The following TNIK variants were observed in gnomAD, a reference collection of about 807,000 sequenced individuals.
The protein encoded by TNIK is TRAF2 and NCK-interacting protein kinase.
A neutral mutation model predicts 191.3 loss-of-function variants in TNIK; 49 were observed. The observed-to-expected ratio is 0.26, with a 90% CI of 0.20 to 0.32. The LOEUF (loss-of-function observed/expected upper bound fraction) is 0.32, where lower values mean the gene tolerates loss of function less well. Among genes scored for constraint, TNIK ranks in the 10% least tolerant of loss-of-function variants. TNIK has a pLI of 1.00. For missense variants in TNIK, 1,155 were observed against 1,702.3 expected (o/e 0.68, Z 5.66); for synonymous variants, 594 against 600.9 (o/e 0.99, Z 0.17).
At chr3:171,198,687 G>A (rs990610346) in intron 4 of TNIK, among the ~76,000 whole-genome samples, 9 of 152,126 alleles carry the variant, frequency 5.9e-5, no homozygotes, top group Non-Finnish European at 1.3e-4. Flanking sequence ...GTGCATAGGT[G>A]TTCATTATAC....
intron 23 of TNIK, among the ~76,000 whole-genome samples, chr3:171,090,675 C>A (rs1168341053): frequency 6.6e-6 from 1 of 152,118 alleles, no homozygotes; most frequent in East Asian, 1.9e-4. Flanking sequence ...ATACAAAATA[C>A]CTCTTCCAGC....
intron 2 of TNIK, among the ~76,000 whole-genome samples, chr3:171,254,015 C>T (rs989280678): frequency 1.3e-4 from 20 of 152,084 alleles, no homozygotes; most frequent in African/African-American, 3.9e-4. Context: ...CCATTTAAAG[C>T]CCTCTTTACA....
chr3:171,139,574 A>G lies in TNIK; in HGVS notation c.1333-18T>C. ...ATGTATTCCTGGAGAGGTAGGCAGCAGAGAATTCAGAGGAACAGAAAGAAA... is the reference window on the plus strand; with the variant it reads ...ATGTATTCCTGGAGAGGTAGGCAGCGGAGAATTCAGAGGAACAGAAAGAAA... On this transcript the variant is annotated intron_variant, in intron 13 of 32. Coordinates refer to ENST00000436636, the MANE Select transcript of TNIK (RefSeq NM_015028.4). 2 of 1,611,642 alleles carry G rather than the reference A, an allele frequency of 1.2e-6. No individual in the cohort carries two copies. The highest frequency in any genetic ancestry group is 1.7e-4 in the Middle Eastern group (1 of 6,056).
At chr3:171,214,832 T>A (rs1361747816) in intron 3 of TNIK, among the ~76,000 whole-genome samples, 1 of 152,208 alleles carries the variant, frequency 6.6e-6, no homozygotes, top group Non-Finnish European at 1.5e-5. Context: ...TATAAGCTAC[T>A]TCTCAGGGCT....
chr3:171,175,437 A>C (rs1735848345), intron 8 of TNIK, 107 bp from the exon 9 acceptor site: 1 of 815,760 alleles, frequency 1.2e-6, no homozygotes, highest in Non-Finnish European at 1.9e-6. Flanking sequence ...CTCAGTTTAC[A>C]CACCACCAGT....
At chr3:171,317,337 G>A (rs537516767) in intron 2 of TNIK, among the ~76,000 whole-genome samples, 21 of 152,214 alleles carry the variant, frequency 1.4e-4, no homozygotes, top group African/African-American at 5.1e-4. Context: ...CTCATCACAG[G>A]CATCTGGATA....
In TNIK at chr3:171,366,127, C is replaced by T. The variant is rs1240386698; in HGVS notation, c.123+3493G>A. 6.6e-6 allele frequency among the ~76,000 whole-genome samples: 1 copy of T among 152,148 alleles called. No individual in the cohort carries two copies. Among genetic ancestry groups the T allele is most frequent in the Non-Finnish European group, 1.5e-5 (1 of 68,032 alleles). ...ATGGCATGCCAATAAACAGCCAAGA[C>T]CTTTAGTAAATGGGTATGTGGCCTT... On this transcript the variant is annotated intron_variant, in intron 2 of 32. Coordinates refer to ENST00000436636, the MANE Select transcript of TNIK (RefSeq NM_015028.4). The surrounding 1 kb of genome is among the most constrained non-coding windows in gnomAD (Gnocchi z 4.1).
intron 30 of TNIK, 39 bp downstream of exon 30, chr3:171,068,809 G>A (rs762239751): frequency 3.1e-5 from 50 of 1,588,116 alleles, no homozygotes; most frequent in Non-Finnish European, 4.2e-5. Flanking sequence ...GCAGGCTGTT[G>A]TACAGAGAGC....
intron 2 of TNIK, among the ~76,000 whole-genome samples, chr3:171,357,044 A>G (rs1353736919): frequency 1.3e-5 from 2 of 152,196 alleles, no homozygotes; most frequent in African/African-American, 2.4e-5. Context: ...CTTAGCCACA[A>G]AAACAGCCTT....
At chr3:171,128,429 A>G (rs538942094) in intron 16 of TNIK, among the ~76,000 whole-genome samples, 1 of 152,346 alleles carries the variant, frequency 6.6e-6, no homozygotes, top group Admixed American at 6.5e-5. Context: ...AACTAAAAGA[A>G]TGCTTGTTCT....
At chr3:171,140,544 C>G in intron 12 of TNIK, 35 bp from the exon 13 acceptor site, 2 of 1,604,932 alleles carry the variant, frequency 1.2e-6, no homozygotes, top group Non-Finnish European at 8.5e-7. Flanking sequence ...ATGAAGGCAA[C>G]AGGCCCCGGT....
intron 1 of TNIK, among the ~76,000 whole-genome samples, chr3:171,380,408 A>T (rs371464185): frequency 3.9e-4 from 59 of 152,328 alleles, no homozygotes; most frequent in East Asian, 7.7e-4. Context: ...AGAAAGAAAG[A>T]TTAGGAAACA....
At chr3:171,449,111 C>T (rs1727869272) in intron 1 of TNIK, among the ~76,000 whole-genome samples, 1 of 152,000 alleles carries the variant, frequency 6.6e-6, no homozygotes. Flanking sequence ...TGTAGCATTC[C>T]ATGGTGTATA....
intron 11 of TNIK, among the ~76,000 whole-genome samples, chr3:171,160,668 T>G (rs1379590457): frequency 6.6e-6 from 1 of 151,914 alleles, no homozygotes; most frequent in Non-Finnish European, 1.5e-5. Context: ...AGAATCAAAG[T>G]CAAGTGGAAT....
At chr3:171,167,697 C>T (rs952209) in intron 9 of TNIK, among the ~76,000 whole-genome samples, 29,027 of 151,992 alleles carry the variant, frequency 0.19, 3,249 homozygotes, top group East Asian at 0.34. Flanking sequence ...AAAACTCAGG[C>T]TAGGATGAGA....
At chr3:171,423,916 G>C (rs1437139450) in intron 1 of TNIK, among the ~76,000 whole-genome samples, 2 of 152,120 alleles carry the variant, frequency 1.3e-5, no homozygotes, top group Non-Finnish European at 2.9e-5. Flanking sequence ...TCAGGACATA[G>C]GCATGGACAA....
intron 9 of TNIK, among the ~76,000 whole-genome samples, chr3:171,173,897 C>G (rs551619238): frequency 6.6e-6 from 1 of 152,056 alleles, no homozygotes; most frequent in South Asian, 2.1e-4. Flanking sequence ...TCCCTCTCCC[C>G]GGGAGTCTGA....
rs16855713 is a variant in TNIK, at chr3:171,058,801, A to G, written c.*5080T>C. 6.6e-6 allele frequency among the ~76,000 whole-genome samples: 1 copy of G among 152,348 alleles called. No homozygotes were observed. Among genetic ancestry groups the G allele is most frequent in the South Asian group, 2.1e-4 (1 of 4,828 alleles). On this transcript the variant is annotated 3_prime_UTR_variant, in exon 33 of 33. Transcript: ENST00000436636. ...ATCTCTCTACAGTTATATTAACATA[A>G]ATAAGGCAGCTAAAACGTTCAAAAA...
chr3:171,436,857 A>G (rs1281342618), intron 1 of TNIK, among the ~76,000 whole-genome samples: 1 of 152,184 alleles, frequency 6.6e-6, no homozygotes, highest in Non-Finnish European at 1.5e-5. Context: ...TCTGCATCAA[A>G]CAGACAGTGT....
Sources: allele counts gnomAD v4.1 joint callset (sites outside exome capture counted in the v4.1 genomes callset), GRCh38; gene constraint gnomAD v4.1.1; non-coding constraint Gnocchi (gnomAD v3.1); transcripts MANE v1.5; gene names NCBI Gene and HGNC (gene_info 2026-07-23, HGNC 2026-07-21).